SH3TC1: variants seen among roughly 807,000 people sequenced by gnomAD.
SH3TC1 encodes the protein SH3 domain and tetratricopeptide repeats 1, also known as SH3 domain and tetratricopeptide repeat-containing protein 1.
In SH3TC1, 135 loss-of-function variants were observed where a neutral mutation model predicts 117.3. That is an observed-to-expected ratio of 1.15 (90% CI 1.00 to 1.33). The LOEUF is 1.33. SH3TC1 is among the 40% of genes most tolerant of loss of function. The pLI is 0.00. For missense variants in SH3TC1, 2,092 were observed against 1,794.3 expected, an observed-to-expected ratio of 1.17 and a Z score of -3.00; for synonymous variants, 898 against 816.9, an observed-to-expected ratio of 1.10 and a Z score of -1.69.
chr4:8,227,771 C>G lies in SH3TC1; in HGVS notation c.2077C>G (p.Leu693Val), dbSNP rs1185080170. The G allele has an allele frequency of 6.2e-7, 1 of 1,612,236 alleles. No individual in the cohort carries two copies. Among genetic ancestry groups the G allele is most frequent in the East Asian group, 2.2e-5 (1 of 44,872 alleles). ...EALPFLERLL[L>V]LHRDSGAPEA... ...CCTGCCCTTCCTAGAGCGGCTGCTG[C>G]TTTTGCACAGGGACTCGGGAGCCCC... The change falls in exon 12 of 18, where the codon CTT (leucine) becomes GTT (valine). Residue 693 changes from leucine to valine, a missense_variant. Coordinates refer to ENST00000245105, the MANE Select transcript of SH3TC1 (RefSeq NM_018986.5).
In SH3TC1 at chr4:8,222,957, C is replaced by A. The variant is rs376361208; in HGVS notation, c.1230C>A (p.Ser410Arg). The part of the protein sequence containing the change: ...LRRMSGTDVC[S>R]VYSLDSVEEA... ...GGATGTCGGGCACCGATGTCTGCAG[C>A]GTGTACAGCCTGGGTGCGTGTGGGC... The change falls in exon 10 of 18, where the codon AGC becomes AGA. Residue 410 changes from serine (S) to arginine (R), a missense_variant. Transcript: ENST00000245105. 26 of 1,611,924 alleles carry A rather than the reference C, an allele frequency of 1.6e-5. No individual in the cohort carries two copies. Among genetic ancestry groups the A allele is most frequent in the Non-Finnish European group, 1.9e-5 (23 of 1,179,568 alleles).
At chr4:8,219,904 G>A (rs1719738917) in intron 9 of SH3TC1, among the ~76,000 whole-genome samples, 1 of 152,182 alleles carries the variant, frequency 6.6e-6, no homozygotes, top group East Asian at 1.9e-4. Flanking sequence ...ATTTTCTCTG[G>A]AGACTCTAGG....
intron 5 of SH3TC1, chr4:8,215,074 C>T (rs1037084654): frequency 4.7e-5 from 21 of 442,462 alleles, no homozygotes; most frequent in African/African-American, 3.0e-4. Flanking sequence ...GCCGGGTAGG[C>T]GGAGTCGTAG....
At chr4:8,202,519 G>T (rs1441058832) in intron 1 of SH3TC1, among the ~76,000 whole-genome samples, 1 of 152,240 alleles carries the variant, frequency 6.6e-6, no homozygotes, top group African/African-American at 2.4e-5. Flanking sequence ...ACCATTCCCG[G>T]CCCCCACAGG....
chr4:8,196,350 C>T (rs1467632187), upstream of SH3TC1, among the ~76,000 whole-genome samples: 1 of 152,050 alleles, frequency 6.6e-6, no homozygotes, highest in Non-Finnish European at 1.5e-5. This position sits in a 1 kb window ranked among gnomAD's most constrained non-coding sequence, Gnocchi z 4.6. Context: ...GGGAGGGAGC[C>T]TCAGAGGCTA....
At chr4:8,194,230 TG>T (rs987659513) in intron 1 of SH3TC1, among the ~76,000 whole-genome samples, 1 of 152,166 alleles carries the variant, frequency 6.6e-6, no homozygotes, top group African/African-American at 2.4e-5. Context: ...AGGGTGTGGC[TG>T]GGGGCTTCAC....
Position 8,236,263 on chromosome 4 carries a change from C to T in SH3TC1, c.3406-15C>T. The T allele has an allele frequency of 6.5e-7, 1 of 1,539,940 alleles. No homozygotes were observed. The highest frequency in any genetic ancestry group is 1.2e-5 in the South Asian group (1 of 83,246). ...GGTGCTGCGGGAAGCCTGACCCCAC[C>T]TGCCTGTGTGGCAGGACCGGGCCCT... On this transcript the variant is annotated splice_polypyrimidine_tract_variant and intron_variant, in intron 15 of 17. Transcript: ENST00000245105.
chr4:8,233,184 C>T, intron 13 of SH3TC1, 179 bp from the exon 14 acceptor site: 1 of 1,400,234 alleles, frequency 7.1e-7, no homozygotes, highest in Non-Finnish European at 9.2e-7. Flanking sequence ...TTCGTCTTTT[C>T]CTTGCCGTGT....
At position 8,222,855 on chromosome 4, in the gene SH3TC1, T is replaced by A; in HGVS notation, c.1128T>A (p.Ile376=). Residue 376 remains isoleucine, a synonymous_variant, in exon 10 of 18, where the codon ATT becomes ATA. Coordinates refer to ENST00000245105, the MANE Select transcript of SH3TC1 (RefSeq NM_018986.5). ...TTTTTTCCAGGTTGGAAAGTGCGAT[T>A]TTTCTCAATGAGGAAGAAAAGTCAT... The part of the protein sequence containing the change: ...QGPVSELESA[I]FLNEEEKSFF... 3 of 1,611,608 alleles carry A rather than the reference T, an allele frequency of 1.9e-6. No individual in the cohort carries two copies. Among genetic ancestry groups the A allele is most frequent in the Non-Finnish European group, 2.5e-6 (3 of 1,177,900 alleles).
chr4:8,236,520 G>C, intron 16 of SH3TC1, 92 bp downstream of exon 16: 2 of 1,399,588 alleles, frequency 1.4e-6, no homozygotes, highest in South Asian at 1.6e-5. Flanking sequence ...ACAGCTGCCG[G>C]ATTTTCCTGG....
chr4:8,217,029 C>T lies in SH3TC1; in HGVS notation c.701C>T (p.Pro234Leu), dbSNP rs1445438295. 6.2e-7 allele frequency: 1 copy of T among 1,613,642 alleles called. No individual in the cohort carries two copies. Among genetic ancestry groups the T allele is most frequent in the African/African-American group, 1.3e-5 (1 of 74,952 alleles). Residue 234 changes from proline to leucine, a missense_variant, in exon 7 of 18, where the codon CCC (proline) becomes CTC (leucine). By Grantham distance (98) the Pro-to-Leu change is moderately conservative (BLOSUM62 -3). Transcript: ENST00000245105. ...MTGPRDAGNGPQALRQASGAP... is the reference protein window; with the variant it reads ...MTGPRDAGNGLQALRQASGAP... ...GGTCCCCGGGATGCAGGAAATGGCC[C>T]CCAGGCCCTCAGGCAGGCTTCGGGG...
intron 13 of SH3TC1, chr4:8,232,789 G>T (rs1393808877): frequency 7.8e-7 from 1 of 1,288,452 alleles, no homozygotes; most frequent in Admixed American, 2.3e-5. Flanking sequence ...GGACCCGGGA[G>T]ATCGGCTCCA....
chr4:8,232,157 G>A lies in SH3TC1; in HGVS notation c.3131+1G>A. On this transcript the variant is annotated splice_donor_variant, in intron 13 of 17. Coordinates refer to ENST00000245105, the MANE Select transcript of SH3TC1 (RefSeq NM_018986.5). LOFTEE classifies it high-confidence loss of function. ...TCTACCTGTCCCTGGGCACCGAGCGGTGAGGGCTGGCTCTGTGGTGGTGGG... is the reference window on the plus strand; with the variant it reads ...TCTACCTGTCCCTGGGCACCGAGCGATGAGGGCTGGCTCTGTGGTGGTGGG... 7.3e-7 allele frequency: 1 copy of A among 1,371,738 alleles called. No individual in the cohort carries two copies. 85.0% of individuals were successfully genotyped at this position (1,371,738 alleles called of 1,614,324 possible). A position where few individuals can be genotyped will look rare whatever the true frequency, so the allele number is the denominator to read the frequency against.
intron 1 of SH3TC1, among the ~76,000 whole-genome samples, chr4:8,204,066 G>C (rs1484749459): frequency 6.6e-6 from 1 of 152,230 alleles, no homozygotes; most frequent in Non-Finnish European, 1.5e-5. Flanking sequence ...CACCACAAAA[G>C]GGGTGACAGG....
intron 7 of SH3TC1, 140 bp downstream of exon 7, chr4:8,217,307 C>A: frequency 9.2e-7 from 1 of 1,089,796 alleles, no homozygotes; most frequent in South Asian, 1.3e-5. Context: ...TCTGCTGCTT[C>A]CCAGCTGTGT....
Position 8,240,931 on chromosome 4 carries a change from G to A in SH3TC1, c.3987G>A (p.Trp1329Ter), listed in dbSNP as rs894872618. ...TGCCACTCTGCGGGTGGGCCCCCTG[G>A]TTGGCCCCCAGCCACCCTCGCTGAG... ...PPLPLCGWAP[W>*]LAPSHPR The change falls in exon 18 of 18, where the codon TGG (tryptophan) becomes TGA (stop). Residue 1329 changes from tryptophan to a stop codon, truncating the protein, a stop_gained. Transcript: ENST00000245105. LOFTEE classifies it high-confidence loss of function. 3 of 1,611,594 alleles carry A rather than the reference G, an allele frequency of 1.9e-6. No individual in the cohort carries two copies. In the Admixed American group the frequency reaches 5.0e-5, roughly 27 times the overall value.
intron 9 of SH3TC1, among the ~76,000 whole-genome samples, 191 bp from the exon 10 acceptor site, chr4:8,222,649 C>T (rs187626601): frequency 5.2e-4 from 77 of 148,130 alleles, no homozygotes; most frequent in African/African-American, 1.9e-3. Flanking sequence ...GCTGAGATTA[C>T]AGGTGTGAGC....
rs939887033 is a variant in SH3TC1, at chr4:8,192,680, G to C, written c.-57+10470G>C. ...AGCTAATTTTTGTATTTTTAGTAGA[G>C]GTGGGGTTTCACTGTGTTGGTCAGG... On this transcript the variant is annotated intron_variant, in intron 1 of 16. Coordinates refer to the SH3TC1 transcript ENST00000508641. This position sits in a 1 kb window ranked among gnomAD's most constrained non-coding sequence, Gnocchi z 4.1. Among the ~76,000 whole-genome samples, 2 of 151,936 alleles carry C rather than the reference G, an allele frequency of 1.3e-5. No homozygotes were observed. The highest frequency in any genetic ancestry group is 4.8e-5 in the African/African-American group (2 of 41,338).
Position 8,233,386 on chromosome 4 carries a change from ACAC to A in SH3TC1, c.3158_3160del (p.Thr1053del). The A allele has an allele frequency of 6.2e-7, 1 of 1,613,386 alleles. No individual in the cohort carries two copies. Among genetic ancestry groups the A allele is most frequent in the Admixed American group, 1.7e-5 (1 of 59,900 alleles). Reference sequence around the variant, plus strand: ...AGGGCCTACAAATCCGCACTGGACTACACCAAACGAAGTCTGGGGATTTTCATT... The same window carrying A: ...AGGGCCTACAAATCCGCACTGGACTACAAACGAAGTCTGGGGATTTTCATT... On this transcript the variant is annotated inframe_deletion, in exon 14 of 18. Coordinates refer to ENST00000245105, the MANE Select transcript of SH3TC1 (RefSeq NM_018986.5).
Sources: gnomAD v4.1 joint callset for allele counts (sites outside exome capture counted in the v4.1 genomes callset) on GRCh38, gnomAD v4.1.1 for gene constraint, Gnocchi (gnomAD v3.1) non-coding constraint, MANE v1.5 for transcripts, NCBI Gene and HGNC (gene_info 2026-07-23, HGNC 2026-07-21) for gene names.